NPEPL1: variants seen among roughly 807,000 people sequenced by gnomAD.
The protein encoded by NPEPL1 is probable aminopeptidase NPEPL1.
NPEPL1 carries 45 observed loss-of-function variants against 52.4 expected under a neutral mutation model. The observed-to-expected ratio is 0.86, with a 90% CI of 0.68 to 1.10. NPEPL1 has a LOEUF of 1.10. Among genes scored for constraint, NPEPL1 ranks in the 50% least tolerant of loss-of-function variants. The probability of loss-of-function intolerance (pLI) is 0.00; values close to 1 mark genes in which losing one functional copy is unlikely to be tolerated. For missense variants in NPEPL1, 696 were observed against 710.9 expected, an observed-to-expected ratio of 0.98 and a Z score of 0.24; for synonymous variants, 360 against 314.7, an observed-to-expected ratio of 1.14 and a Z score of -1.52.
intron 3 of NPEPL1, 144 bp from the exon 4 acceptor site, chr20:58,698,539 TG>T: frequency 1.4e-6 from 1 of 721,118 alleles, no homozygotes; most frequent in Non-Finnish European, 2.4e-6. Context: ...GCGAGAGCCA[TG>T]GTCCCCCTCT....
upstream of NPEPL1, chr20:58,692,728 C>A: frequency 6.2e-6 from 5 of 804,722 alleles, no homozygotes; most frequent in Non-Finnish European, 7.5e-6. The surrounding 1 kb of genome is among the most constrained non-coding windows in gnomAD (Gnocchi z 5.7). Flanking sequence ...CCCCTCGCGC[C>A]CCGGGCGGGC....
At chr20:58,714,534 G>T (rs1180459882) in intron 10 of NPEPL1, 26 bp from the exon 11 acceptor site, 11 of 1,523,920 alleles carry the variant, frequency 7.2e-6, no homozygotes, top group Admixed American at 3.9e-5. Context: ...CAACCCACAG[G>T]CACTGTGTCC....
chr20:58,713,500 G>A lies in NPEPL1; in HGVS notation c.1082G>A (p.Gly361Glu), dbSNP rs768739141. ...DGVSYACKDLGADIILDMATL... is the reference protein window; with the variant it reads ...DGVSYACKDLEADIILDMATL... Reference sequence around the variant, plus strand: ...GTGTCCTATGCTTGCAAGGACCTGGGGGCCGACATCATCCTGGACATGGCC... The same window carrying A: ...GTGTCCTATGCTTGCAAGGACCTGGAGGCCGACATCATCCTGGACATGGCC... The change falls in exon 9 of 12, where the codon GGG becomes GAG. Residue 361 changes from glycine (G) to glutamate (E), a missense_variant. By Grantham distance (98) the Gly-to-Glu change is moderately conservative. Coordinates refer to ENST00000356091, the MANE Select transcript of NPEPL1 (RefSeq NM_024663.4). This position sits in a 1 kb window ranked among gnomAD's most constrained non-coding sequence, Gnocchi z 4.6. 6 of 1,611,418 alleles carry A rather than the reference G, an allele frequency of 3.7e-6. No individual in the cohort carries two copies. Among genetic ancestry groups the A allele is most frequent in the East Asian group, 2.2e-5 (1 of 44,830 alleles).
Position 58,713,246 on chromosome 20 carries a change from C to T in NPEPL1, c.1002-174C>T. 1 of 745,396 alleles carries T rather than the reference C, an allele frequency of 1.3e-6. No homozygotes were observed. Among genetic ancestry groups the T allele is most frequent in the Non-Finnish European group, 2.1e-6 (1 of 477,192 alleles). The allele number at this position is 745,396 out of a possible 1,614,324, so 46.2% of individuals were successfully genotyped here. A position where few individuals can be genotyped will look rare whatever the true frequency, so the allele number is the denominator to read the frequency against. On this transcript the variant is annotated intron_variant, in intron 8 of 11. Coordinates refer to ENST00000356091, the MANE Select transcript of NPEPL1 (RefSeq NM_024663.4). The surrounding 1 kb of genome is among the most constrained non-coding windows in gnomAD (Gnocchi z 4.6). ...ACCTGGAAGCCCTTTGCTCCAGGCA[C>T]TGCATTGCTGTAGGGACTGGGGGCA... is the stretch of plus-strand genomic sequence containing the variant.
At chr20:58,696,879 G>A (rs572724731) in intron 3 of NPEPL1, among the ~76,000 whole-genome samples, 20 of 152,314 alleles carry the variant, frequency 1.3e-4, no homozygotes, top group African/African-American at 4.6e-4. Flanking sequence ...CGGGGCCACG[G>A]CAGCAAGGGG....
Position 58,698,547 on chromosome 20 carries a change from CT to C in NPEPL1, c.508-136del. 3 of 750,744 alleles carry C rather than the reference CT, an allele frequency of 4.0e-6. No individual in the cohort carries two copies. The Admixed American group carries it at 6.5e-5, about 16-fold the overall frequency. The allele number at this position is 750,744 out of a possible 1,614,324, so 46.5% of individuals were successfully genotyped here. On this transcript the variant is annotated intron_variant, in intron 3 of 11. Transcript: ENST00000356091. ...GCAGGCAGCGAGAGCCATGGTCCCCCTCTCCCCTCTCTTTGCTGCCCTGTCA... is the reference window on the plus strand; with the variant it reads ...GCAGGCAGCGAGAGCCATGGTCCCCCCTCCCCTCTCTTTGCTGCCCTGTCA...
intron 6 of NPEPL1, among the ~76,000 whole-genome samples, chr20:58,702,383 G>T (rs1184138958): frequency 6.6e-6 from 1 of 152,220 alleles, no homozygotes; most frequent in Non-Finnish European, 1.5e-5. Flanking sequence ...GTCAGCTGCT[G>T]TTCAGGGTGG....
In NPEPL1 at chr20:58,713,387, C is replaced by G. The variant is rs1260512566; in HGVS notation, c.1002-33C>G. On this transcript the variant is annotated intron_variant, in intron 8 of 11. Coordinates refer to ENST00000356091, the MANE Select transcript of NPEPL1 (RefSeq NM_024663.4). This position sits in a 1 kb window ranked among gnomAD's most constrained non-coding sequence, Gnocchi z 4.6. ...CTCATGCCAGTGTCCCAGGAAATCCCGTCCCTGAGCGGGGATCTCTACCAT... is the reference window on the plus strand; with the variant it reads ...CTCATGCCAGTGTCCCAGGAAATCCGGTCCCTGAGCGGGGATCTCTACCAT... 3 of 1,561,808 alleles carry G rather than the reference C, an allele frequency of 1.9e-6. No individual in the cohort carries two copies. The highest frequency in any genetic ancestry group is 2.6e-6 in the Non-Finnish European group (3 of 1,149,542).
chr20:58,695,095 G>C (rs1226188648), intron 3 of NPEPL1, among the ~76,000 whole-genome samples: 7 of 145,566 alleles, frequency 4.8e-5, no homozygotes, highest in East Asian at 2.1e-4. Flanking sequence ...CGTGTGGTAT[G>C]TGTTGCTGTG....
Position 58,713,288 on chromosome 20 carries a change from C to A in NPEPL1, c.1002-132C>A, listed in dbSNP as rs1601138298. The stretch of plus-strand genomic sequence containing the variant: ...CTGGGGGCATCCCGGCCTTCCCATT[C>A]AGGGAACGTGTTGGGGTTCGGGGAG... On this transcript the variant is annotated intron_variant, in intron 8 of 11. Transcript: ENST00000356091. This position sits in a 1 kb window ranked among gnomAD's most constrained non-coding sequence, Gnocchi z 4.6. The A allele has an allele frequency of 8.2e-7, 1 of 1,222,116 alleles. No homozygotes were observed. The highest frequency in any genetic ancestry group is 2.6e-5 in the East Asian group (1 of 38,668). 75.7% of individuals were successfully genotyped at this position (1,222,116 alleles called of 1,614,324 possible).
intron 10 of NPEPL1, 28 bp from the exon 11 acceptor site, chr20:58,714,532 A>G (rs767909711): frequency 2.6e-6 from 4 of 1,516,742 alleles, no homozygotes; most frequent in South Asian, 1.2e-5. Flanking sequence ...AGCAACCCAC[A>G]GGCACTGTGT....
chr20:58,701,486 C>G, intron 6 of NPEPL1, among the ~76,000 whole-genome samples: 1 of 151,636 alleles, frequency 6.6e-6, no homozygotes, highest in African/African-American at 2.4e-5. Context: ...GGGGAGAGTG[C>G]GCAGGGCGGG....
intron 5 of NPEPL1, among the ~76,000 whole-genome samples, chr20:58,700,541 C>T (rs1052625308): frequency 4.6e-5 from 7 of 152,194 alleles, no homozygotes; most frequent in South Asian, 2.1e-4. Context: ...ACTCTGCACA[C>T]GCACAGGCCA....
chr20:58,710,223 C>T (rs1367276637), intron 7 of NPEPL1, among the ~76,000 whole-genome samples: 1 of 151,902 alleles, frequency 6.6e-6, no homozygotes, highest in Non-Finnish European at 1.5e-5. Flanking sequence ...TTAGTAGAGA[C>T]AGGGTTTCAC....
rs767767973 is a variant in NPEPL1, at chr20:58,712,821, G to T, written c.1001+242G>T. 3 of 625,252 alleles carry T rather than the reference G, an allele frequency of 4.8e-6. No homozygotes were observed. The Admixed American group carries it at 6.4e-5, about 13-fold the overall frequency. 38.7% of individuals were successfully genotyped at this position (625,252 alleles called of 1,614,324 possible). A position where few individuals can be genotyped will look rare whatever the true frequency, so the allele number is the denominator to read the frequency against. ...CGTGCAGTGCCTGGCCCAGGAGCTCGTGGTCTACCCTGCATTACCAGGACA... is the reference window on the plus strand; with the variant it reads ...CGTGCAGTGCCTGGCCCAGGAGCTCTTGGTCTACCCTGCATTACCAGGACA... On this transcript the variant is annotated intron_variant, in intron 8 of 11. Transcript: ENST00000356091.
In NPEPL1 at chr20:58,713,763, C is replaced by A; in HGVS notation, c.1126-154C>A. 1 of 1,067,044 alleles carries A rather than the reference C, an allele frequency of 9.4e-7. No homozygotes were observed. The highest frequency in any genetic ancestry group is 1.3e-6 in the Non-Finnish European group (1 of 780,186). The allele number at this position is 1,067,044 out of a possible 1,614,324, so 66.1% of individuals were successfully genotyped here. A position where few individuals can be genotyped will look rare whatever the true frequency, so the allele number is the denominator to read the frequency against. On this transcript the variant is annotated intron_variant, in intron 9 of 11. Transcript: ENST00000356091. This position sits in a 1 kb window ranked among gnomAD's most constrained non-coding sequence, Gnocchi z 4.6. Reference sequence around the variant, plus strand: ...GAACCGCCTCCTGTGTGCTTCATGGCCATGGTCCTTTCTGCCTGTGTTTTT... The same window carrying A: ...GAACCGCCTCCTGTGTGCTTCATGGACATGGTCCTTTCTGCCTGTGTTTTT...
intron 6 of NPEPL1, 144 bp from the exon 7 acceptor site, chr20:58,706,979 A>G (rs1469675236): frequency 2.5e-6 from 2 of 786,610 alleles, no homozygotes; most frequent in Non-Finnish European, 4.2e-6. Flanking sequence ...GTGGGTGCCC[A>G]GGAGGCCTGG....
chr20:58,697,549 C>T (rs1417263672), intron 3 of NPEPL1, among the ~76,000 whole-genome samples: 1 of 152,220 alleles, frequency 6.6e-6, no homozygotes, highest in African/African-American at 2.4e-5. Flanking sequence ...GCAGTATCGA[C>T]CCGGCGCCTG....
At position 58,699,605 on chromosome 20, in the gene NPEPL1, A is replaced by G. The variant is rs1284054406; in HGVS notation, c.679+327A>G. ...CTCAGCAGGGCCTTTCTGTTCCTTG[A>G]ATACACAAGTTCCCATCACGGCAGG... On this transcript the variant is annotated intron_variant, in intron 5 of 11. Coordinates refer to ENST00000356091, the MANE Select transcript of NPEPL1 (RefSeq NM_024663.4). Among the ~76,000 whole-genome samples, 5 of 152,220 alleles carry G rather than the reference A, an allele frequency of 3.3e-5. No homozygotes were observed. In the East Asian group the frequency reaches 9.6e-4, roughly 29 times the overall value.
Sources: gnomAD v4.1 joint callset for allele counts (sites outside exome capture counted in the v4.1 genomes callset) on GRCh38, gnomAD v4.1.1 for gene constraint, Gnocchi (gnomAD v3.1) non-coding constraint, MANE v1.5 for transcripts, NCBI Gene and HGNC (gene_info 2026-07-23, HGNC 2026-07-21) for gene names.